Variants in LIPA observed in about 807,000 individuals in gnomAD.
LIPA encodes the protein lysosomal acid lipase/cholesteryl ester hydrolase.
A neutral mutation model predicts 40.6 loss-of-function variants in LIPA; 26 were observed. That is an observed-to-expected ratio of 0.64 (90% confidence interval 0.47 to 0.89). The LOEUF (loss-of-function observed/expected upper bound fraction) is 0.89, where lower values mean the gene tolerates loss of function less well. LIPA is among the 40% of genes least tolerant of loss of function. LIPA has a pLI of 0.00. For missense variants in LIPA, 455 were observed against 479.6 expected (o/e 0.95, Z 0.48); for synonymous variants, 188 against 168.4 (o/e 1.12, Z -0.90).
chr10:89,300,924 A>G (rs1843441784), intron 1 of LIPA, among the ~76,000 whole-genome samples: 1 of 152,330 alleles, frequency 6.6e-6, no homozygotes, highest in Admixed American at 6.5e-5. Context: ...TGGAGGTTGC[A>G]GTAAGCCAGG....
In LIPA at chr10:89,306,076, C is replaced by T. The variant is rs201448549; in HGVS notation, c.-2+36535G>A. The T allele has an allele frequency of 4.7e-4, 763 of 1,614,120 alleles. 2 individuals carry two copies. Among genetic ancestry groups the T allele is most frequent in the Middle Eastern group, 2.1e-3 (13 of 6,062 alleles). On this transcript the variant is annotated intron_variant, in intron 1 of 5. Coordinates refer to the LIPA transcript ENST00000282673. The stretch of plus-strand genomic sequence containing the variant: ...ATGATTTTGAAGACAAAGTATTTTA[C>T]CGGACTGAGTTTCAGAATCGTGAAT...
intron 1 of LIPA, among the ~76,000 whole-genome samples, chr10:89,334,012 G>A (rs181439457): frequency 2.4e-4 from 37 of 152,364 alleles, no homozygotes; most frequent in African/African-American, 8.4e-4. Flanking sequence ...GCACAGGTCT[G>A]CCAGTTCCTT....
chr10:89,278,678 T>C (rs1408706124), intron 1 of LIPA, among the ~76,000 whole-genome samples: 3 of 152,132 alleles, frequency 2.0e-5, no homozygotes, highest in East Asian at 3.8e-4. Context: ...CTTTATGCTT[T>C]GGAAAAGTAA....
chr10:89,245,670 C>T lies in LIPA; in HGVS notation c.229+6G>A, dbSNP rs778866130. 4.2e-6 allele frequency: 6 copies of T among 1,428,534 alleles called. No individual in the cohort carries two copies. Among genetic ancestry groups the T allele is most frequent in the Non-Finnish European group, 9.9e-7 (1 of 1,011,384 alleles). 88.5% of individuals were successfully genotyped at this position (1,428,534 alleles called of 1,614,324 possible). A position where few individuals can be genotyped will look rare whatever the true frequency, so the allele number is the denominator to read the frequency against. On this transcript the variant is annotated splice_donor_region_variant and intron_variant, in intron 3 of 9. Coordinates refer to ENST00000336233, the MANE Select transcript of LIPA (RefSeq NM_000235.4). ...CTGGTTTTTACTTTTAAGAGCCTTCCCATACCTTTGTCAGAATGGTTCTTC... is the reference window on the plus strand; with the variant it reads ...CTGGTTTTTACTTTTAAGAGCCTTCTCATACCTTTGTCAGAATGGTTCTTC...
intron 1 of LIPA, among the ~76,000 whole-genome samples, chr10:89,299,265 A>G (rs1843431909): frequency 6.6e-6 from 1 of 151,966 alleles, no homozygotes; most frequent in Non-Finnish European, 1.5e-5. Flanking sequence ...TCAGAACTTG[A>G]AGACAGGTCT....
At chr10:89,383,706 T>C (rs1393870987) in intron 2 of LIPA, 1 of 1,614,098 alleles carries the variant, frequency 6.2e-7, no homozygotes, top group African/African-American at 1.3e-5. Flanking sequence ...TTGCAAATCC[T>C]TCCCGCTATA....
At chr10:89,298,777 G>A (rs1640109551) in intron 1 of LIPA, among the ~76,000 whole-genome samples, 1 of 152,116 alleles carries the variant, frequency 6.6e-6, no homozygotes, top group South Asian at 2.1e-4. Context: ...CCTGAGGTCA[G>A]GAGTTCCAGA....
chr10:89,300,475 C>T (rs899088251), intron 1 of LIPA, among the ~76,000 whole-genome samples: 1 of 152,082 alleles, frequency 6.6e-6, no homozygotes, highest in African/African-American at 2.4e-5. Flanking sequence ...CCCCAATTAC[C>T]CTGACTTGAT....
chr10:89,328,097 C>A, intron 1 of LIPA: 1 of 1,612,682 alleles, frequency 6.2e-7, no homozygotes, highest in Non-Finnish European at 8.5e-7. Flanking sequence ...AATAAGAATG[C>A]ATAATCATGC....
chr10:89,319,254 A>G (rs943594656), intron 1 of LIPA, among the ~76,000 whole-genome samples: 2 of 152,240 alleles, frequency 1.3e-5, no homozygotes, highest in Non-Finnish European at 2.9e-5. Context: ...ACCCTTCAAA[A>G]AAATCAATGA....
intron 2 of LIPA, among the ~76,000 whole-genome samples, chr10:89,397,878 AT>A (rs1844367872): frequency 1.3e-5 from 2 of 152,358 alleles, no homozygotes; most frequent in South Asian, 4.1e-4. Context: ...TACCTTTGCC[AT>A]AAATAAATCA....
At chr10:89,372,868 A>C (rs1350071833) in intron 2 of LIPA, among the ~76,000 whole-genome samples, 1 of 152,262 alleles carries the variant, frequency 6.6e-6, no homozygotes, top group Non-Finnish European at 1.5e-5. Context: ...CAGTCTAAAA[A>C]CAACTTGCTT....
chr10:89,370,572 T>A (rs565334185), intron 2 of LIPA, among the ~76,000 whole-genome samples: 1 of 152,216 alleles, frequency 6.6e-6, no homozygotes, highest in South Asian at 2.1e-4. Flanking sequence ...CTTTTGGAAC[T>A]AATGTAGGGT....
intron 3 of LIPA, among the ~76,000 whole-genome samples, chr10:89,229,870 G>A (rs1842820032): frequency 6.6e-6 from 1 of 152,076 alleles, no homozygotes; most frequent in African/African-American, 2.4e-5. Context: ...AGGGGAGTGT[G>A]GGGGCAGAGG....
intron 1 of LIPA, among the ~76,000 whole-genome samples, chr10:89,277,012 G>T (rs1228464879): frequency 6.6e-6 from 1 of 152,126 alleles, no homozygotes; most frequent in Non-Finnish European, 1.5e-5. Context: ...GAGCTCATCA[G>T]TTGGCTTCAC....
At chr10:89,371,321 G>A (rs1023478043) in intron 2 of LIPA, among the ~76,000 whole-genome samples, 7 of 152,228 alleles carry the variant, frequency 4.6e-5, no homozygotes, top group African/African-American at 1.7e-4. Flanking sequence ...CCTGCTTACA[G>A]ATGGAGAATC....
intron 1 of LIPA, chr10:89,340,831 T>C (rs1386987623): frequency 6.6e-6 from 1 of 152,224 alleles, no homozygotes; most frequent in Non-Finnish European, 1.5e-5. Context: ...AGATTAACTT[T>C]TGACTAACCC....
At chr10:89,234,304 G>A (rs1168281133) in intron 3 of LIPA, among the ~76,000 whole-genome samples, 3 of 152,150 alleles carry the variant, frequency 2.0e-5, no homozygotes, top group Non-Finnish European at 4.4e-5. Context: ...TCTGACCTGG[G>A]GACACAGGGA....
intron 3 of LIPA, among the ~76,000 whole-genome samples, chr10:89,232,419 T>C (rs1183731507): frequency 6.6e-6 from 1 of 152,172 alleles, no homozygotes; most frequent in Admixed American, 6.5e-5. Flanking sequence ...ACGACTGCAA[T>C]CGTCTTCCCT....
Sources: gnomAD v4.1 joint callset for allele counts (sites outside exome capture counted in the v4.1 genomes callset) on GRCh38, gnomAD v4.1.1 for gene constraint, MANE v1.5 for transcripts, NCBI Gene and HGNC (gene_info 2026-07-23, HGNC 2026-07-21) for gene names.